The following USP39 variants were observed in gnomAD, a reference collection of about 807,000 sequenced individuals.
USP39 encodes the protein ubiquitin specific peptidase 39.
Under a neutral mutation model 66.4 loss-of-function variants are expected in USP39, and 38 were observed. The ratio of observed to expected loss-of-function variants is 0.57; its 90% confidence interval spans 0.44 to 0.75. The LOEUF (loss-of-function observed/expected upper bound fraction) is 0.75, where lower values mean the gene tolerates loss of function less well. Among genes scored for constraint, USP39 ranks in the 30% least tolerant of loss-of-function variants. The probability of loss-of-function intolerance (pLI) is 0.00; values close to 1 mark genes in which losing one functional copy is unlikely to be tolerated. For synonymous variants in USP39, 303 were observed against 274.6 expected, an observed-to-expected ratio of 1.10 and a Z score of -1.02; for missense variants, 608 against 714.4, an observed-to-expected ratio of 0.85 and a Z score of 1.70.
In USP39 at chr2:85,639,530, C is replaced by T. The variant is rs997365944; in HGVS notation, c.1284+139C>T. The T allele has an allele frequency of 1.3e-5, 11 of 819,462 alleles. No homozygotes were observed. The East Asian group carries it at 2.9e-4, about 22-fold the overall frequency. 50.8% of individuals were successfully genotyped at this position (819,462 alleles called of 1,614,324 possible). A position where few individuals can be genotyped will look rare whatever the true frequency, so the allele number is the denominator to read the frequency against. ...AGTGCAGTGGCGTGATTTCGGCTGA[C>T]TGCAATCTCTACCTCCCAGTTTCAA... On this transcript the variant is annotated intron_variant, in intron 9 of 12. Transcript: ENST00000323701.
intron 6 of USP39, among the ~76,000 whole-genome samples, chr2:85,634,658 A>G (rs1675622341): frequency 6.6e-6 from 1 of 152,174 alleles, no homozygotes; most frequent in African/African-American, 2.4e-5. Flanking sequence ...ATTCCCAAGA[A>G]CTAGGTGGCT....
intron 3 of USP39, 33 bp from the exon 4 acceptor site, chr2:85,623,613 C>A: frequency 6.3e-7 from 1 of 1,597,554 alleles, no homozygotes; most frequent in Non-Finnish European, 8.5e-7. Flanking sequence ...TAGTATCTGC[C>A]CTTCTATTAC....
chr2:85,616,912 G>T (rs983438089), intron 1 of USP39, among the ~76,000 whole-genome samples: 5 of 151,648 alleles, frequency 3.3e-5, no homozygotes, highest in African/African-American at 1.2e-4. Flanking sequence ...GGATGGTCTC[G>T]ATCTCCTGAC....
Position 85,649,283 on chromosome 2 carries a change from A to T in USP39, c.*475A>T, listed in dbSNP as rs1676885614. 6.5e-6 allele frequency: 1 copy of T among 154,236 alleles called. No homozygotes were observed. Among genetic ancestry groups the T allele is most frequent in the Non-Finnish European group, 1.4e-5 (1 of 69,322 alleles). The allele number at this position is 154,236 out of a possible 1,614,324, so 9.6% of individuals were successfully genotyped here. On this transcript the variant is annotated 3_prime_UTR_variant, in exon 13 of 13. Transcript: ENST00000323701. ...TTAAATAGTCTCCTGTTTTTAAACC[A>T]GCCTCTTGTTTTATATCTTTTCCTT...
intron 1 of USP39, among the ~76,000 whole-genome samples, 160 bp from the exon 2 acceptor site, chr2:85,619,060 C>T (rs752386546): frequency 7.2e-5 from 11 of 152,104 alleles, no homozygotes; most frequent in East Asian, 1.9e-4. Flanking sequence ...CATGAGCTAC[C>T]GCGCCCGGCT....
chr2:85,635,955 G>C (rs1400935009), intron 6 of USP39, 98 bp from the exon 7 acceptor site: 2 of 1,135,376 alleles, frequency 1.8e-6, no homozygotes, highest in Admixed American at 3.4e-5. Flanking sequence ...CATGGCCAGA[G>C]AGGAAGGGGG....
intron 6 of USP39, among the ~76,000 whole-genome samples, chr2:85,632,806 G>C (rs1006993684): frequency 1.9e-4 from 29 of 152,094 alleles, no homozygotes; most frequent in African/African-American, 7.0e-4. Flanking sequence ...TATGGGAGGG[G>C]AGCATGGAGT....
upstream of USP39, chr2:85,608,813 AC>A: frequency 1.6e-6 from 2 of 1,248,224 alleles, no homozygotes; most frequent in Non-Finnish European, 2.2e-6. Context: ...GTCCTGCAAC[AC>A]CCTATGGATG....
At chr2:85,634,117 G>A (rs1001358082) in intron 6 of USP39, among the ~76,000 whole-genome samples, 3 of 151,530 alleles carry the variant, frequency 2.0e-5, no homozygotes, top group Non-Finnish European at 2.9e-5. Context: ...GATTACAGGC[G>A]TGAGCCACCA....
chr2:85,605,786 C>A (rs1286130611), intron 1 of USP39, among the ~76,000 whole-genome samples: 3 of 152,204 alleles, frequency 2.0e-5, no homozygotes, highest in Admixed American at 2.0e-4. Context: ...GTTCCTCCCA[C>A]CTGGATGGGG....
chr2:85,617,905 A>T (rs1324812373), intron 1 of USP39, among the ~76,000 whole-genome samples: 2 of 152,026 alleles, frequency 1.3e-5, no homozygotes, highest in Non-Finnish European at 2.9e-5. Context: ...GTAAGATCTG[A>T]GACCCACTCA....
chr2:85,623,234 C>T (rs1200601071), intron 3 of USP39, among the ~76,000 whole-genome samples: 1 of 152,012 alleles, frequency 6.6e-6, no homozygotes, highest in Non-Finnish European at 1.5e-5. Flanking sequence ...GATGGACTGT[C>T]ATAGGATATG....
chr2:85,612,962 C>CT (rs374731788), upstream of USP39, among the ~76,000 whole-genome samples: 10,201 of 144,672 alleles, frequency 0.071, 1,176 homozygotes, highest in African/African-American at 0.24. Flanking sequence ...TGCCCGGCCC[C>CT]TTTTTTTTTT....
rs1673920876 is a variant in USP39 at position 85,616,224 on chromosome 2, G to C, written c.29G>C (p.Arg10Pro). 6.8e-7 allele frequency: 1 copy of C among 1,472,914 alleles called. No individual in the cohort carries two copies. The highest frequency in any genetic ancestry group is 1.5e-5 in the African/African-American group (1 of 68,670). The allele number at this position is 1,472,914 out of a possible 1,614,324, so 91.2% of individuals were successfully genotyped here. Residue 10 changes from arginine to proline, a missense_variant, in exon 1 of 13, where the codon CGC (arginine) becomes CCC (proline). Arg to Pro is a moderately radical substitution (Grantham distance 103). Transcript: ENST00000323701. ...TCCGGCCGGTCTAAGCGGGAGTCTC[G>C]CGGTTCCACTCGCGGGAAGCGAGAG... MSGRSKRES[R>P]GSTRGKRESE...
upstream of USP39, chr2:85,611,379 G>A: frequency 1.4e-6 from 2 of 1,456,084 alleles, no homozygotes; most frequent in Non-Finnish European, 1.8e-6. Flanking sequence ...CTCTTTGCTA[G>A]GTAGCGGAGC....
chr2:85,617,924 A>G (rs1458085211), intron 1 of USP39, among the ~76,000 whole-genome samples: 1 of 151,732 alleles, frequency 6.6e-6, no homozygotes, highest in African/African-American at 2.4e-5. Flanking sequence ...CAAGTTTTTG[A>G]CAAGTGGTAG....
chr2:85,606,173 T>C (rs1014252146), intron 1 of USP39, among the ~76,000 whole-genome samples: 2 of 152,196 alleles, frequency 1.3e-5, no homozygotes, highest in East Asian at 1.9e-4. Flanking sequence ...TGTGTGTGTG[T>C]GCGCGTTTTT....
chr2:85,616,587 AGAG>A (rs1351854464), intron 1 of USP39, 124 bp downstream of exon 1: 1 of 1,377,474 alleles, frequency 7.3e-7, no homozygotes, highest in East Asian at 2.8e-5. Context: ...GGGGTGGAGA[AGAG>A]GAGGGATCCA....
chr2:85,622,832 C>T (rs945891343), intron 3 of USP39, among the ~76,000 whole-genome samples: 1 of 151,944 alleles, frequency 6.6e-6, no homozygotes, highest in Non-Finnish European at 1.5e-5. Flanking sequence ...TGTTTAAAGT[C>T]AAGAGTTCAA....
Sources: gnomAD v4.1 joint callset for allele counts (sites outside exome capture counted in the v4.1 genomes callset) on GRCh38, gnomAD v4.1.1 for gene constraint, MANE v1.5 for transcripts, NCBI Gene and HGNC (gene_info 2026-07-23, HGNC 2026-07-21) for gene names.